CRAMP1: variants seen among roughly 807,000 people sequenced by gnomAD.
CRAMP1 encodes the protein cramped chromatin regulator 1, also known as protein cramped-like.
Under a neutral mutation model 115.4 loss-of-function variants are expected in CRAMP1, and 50 were observed. That is an observed-to-expected ratio of 0.43 (90% CI 0.35 to 0.55). CRAMP1 has a LOEUF of 0.55. Ranked by LOEUF, CRAMP1 falls within the 20% of genes least tolerant of loss-of-function variation. CRAMP1 has a pLI of 0.01. For synonymous variants in CRAMP1, 866 were observed against 745.4 expected (o/e 1.16, Z -2.64); for missense variants, 1,679 against 1,721.7 (o/e 0.98, Z 0.44).
At chr16:1,631,076 T>G (rs866062680) in intron 3 of CRAMP1, among the ~76,000 whole-genome samples, 5 of 152,354 alleles carry the variant, frequency 3.3e-5, no homozygotes, top group African/African-American at 1.2e-4. Flanking sequence ...CAGCCATCGC[T>G]GCCTTTTCCC....
intron 4 of CRAMP1, among the ~76,000 whole-genome samples, chr16:1,635,516 G>A (rs887957632): frequency 2.6e-5 from 4 of 152,188 alleles, no homozygotes; most frequent in Admixed American, 2.0e-4. Context: ...GGGGCCAGGC[G>A]GGGCATCAGG....
chr16:1,628,276 G>A (rs1317960004), intron 3 of CRAMP1, among the ~76,000 whole-genome samples: 3 of 152,200 alleles, frequency 2.0e-5, no homozygotes, highest in African/African-American at 4.8e-5. Flanking sequence ...GTTTTGAAAC[G>A]GAGTTTCGCT....
At chr16:1,632,184 T>C (rs1567450045) in intron 3 of CRAMP1, 28 bp from the exon 4 acceptor site, 1 of 1,549,802 alleles carries the variant, frequency 6.5e-7, no homozygotes. Flanking sequence ...TTAACCCCTC[T>C]ACATTTATCA....
chr16:1,630,565 T>C (rs912658634), intron 3 of CRAMP1, among the ~76,000 whole-genome samples: 1 of 152,230 alleles, frequency 6.6e-6, no homozygotes, highest in Non-Finnish European at 1.5e-5. Context: ...TGTGAGGGTA[T>C]GAGCACAGAC....
intron 3 of CRAMP1, among the ~76,000 whole-genome samples, chr16:1,626,739 G>A (rs908699372): frequency 1.3e-5 from 2 of 152,116 alleles, no homozygotes; most frequent in Non-Finnish European, 2.9e-5. Flanking sequence ...ATTATTGTGA[G>A]CATACTTTTT....
chr16:1,661,014 CA>C (rs34310084), intron 11 of CRAMP1, among the ~76,000 whole-genome samples: 1 of 148,594 alleles, frequency 6.7e-6, no homozygotes, highest in Non-Finnish European at 1.5e-5. Context: ...ATCTCAAAAA[CA>C]AAAAAAAACA....
chr16:1,673,095 G>A (rs1242476357), intron 20 of CRAMP1, among the ~76,000 whole-genome samples: 2 of 151,708 alleles, frequency 1.3e-5, no homozygotes, highest in African/African-American at 4.8e-5. Flanking sequence ...TTTCTCTGAC[G>A]GGAACGTGCC....
At position 1,617,744 on chromosome 16, in the gene CRAMP1, G is replaced by A. The variant is rs866342585; in HGVS notation, c.346+2759G>A. Among the ~76,000 whole-genome samples the A allele has an allele frequency of 1.3e-4, 20 of 152,282 alleles. No individual in the cohort carries two copies. In the South Asian group the frequency reaches 3.3e-3, roughly 25 times the overall value. On this transcript the variant is annotated intron_variant, in intron 2 of 20. Coordinates refer to ENST00000397412, the MANE Select transcript of CRAMP1 (RefSeq NM_020825.4). ...TTGTTTGGCTTTTCTGCATGCAAGTGTGTTTTCTTTCTCTGAAGAAGACAC... is the reference window on the plus strand; with the variant it reads ...TTGTTTGGCTTTTCTGCATGCAAGTATGTTTTCTTTCTCTGAAGAAGACAC...
intron 1 of CRAMP1, among the ~76,000 whole-genome samples, chr16:1,613,355 T>C (rs1052671335): frequency 3.3e-5 from 5 of 152,182 alleles, no homozygotes; most frequent in African/African-American, 7.2e-5. Context: ...ATTGCGACTT[T>C]GAAGCCATTT....
At chr16:1,619,681 G>T (rs1451189004) in intron 2 of CRAMP1, among the ~76,000 whole-genome samples, 1 of 152,210 alleles carries the variant, frequency 6.6e-6, no homozygotes, top group Non-Finnish European at 1.5e-5. Context: ...ATTTGTAGGA[G>T]GGGAAAGGGA....
intron 3 of CRAMP1, 78 bp from the exon 4 acceptor site, chr16:1,632,134 C>T: frequency 1.0e-5 from 15 of 1,438,584 alleles, no homozygotes; most frequent in Non-Finnish European, 1.2e-5. Context: ...TTTCTCGGAA[C>T]CTTGGAAAGG....
chr16:1,626,820 A>G (rs889060609), intron 3 of CRAMP1, among the ~76,000 whole-genome samples: 5 of 152,086 alleles, frequency 3.3e-5, no homozygotes, highest in South Asian at 2.1e-4. Flanking sequence ...TAACGCCTGT[A>G]AATATTCTCC....
At chr16:1,654,837 C>G (rs545787095) in intron 8 of CRAMP1, among the ~76,000 whole-genome samples, 1 of 152,240 alleles carries the variant, frequency 6.6e-6, no homozygotes, top group East Asian at 1.9e-4. Context: ...TCATTCCTTC[C>G]GCTCATGTAC....
At chr16:1,661,955 G>A (rs2036834363) in intron 11 of CRAMP1, among the ~76,000 whole-genome samples, 1 of 152,212 alleles carries the variant, frequency 6.6e-6, no homozygotes, top group Non-Finnish European at 1.5e-5. Flanking sequence ...ACACCAGGGA[G>A]CAGCAAGCTA....
At chr16:1,626,665 C>T (rs1238080853) in intron 3 of CRAMP1, among the ~76,000 whole-genome samples, 4 of 152,190 alleles carry the variant, frequency 2.6e-5, no homozygotes, top group African/African-American at 9.7e-5. Context: ...CCCCACCGCC[C>T]AGTGAATGCC....
At chr16:1,637,726 A>G in intron 4 of CRAMP1, 98 bp from the exon 5 acceptor site, 1 of 510,566 alleles carries the variant, frequency 2.0e-6, no homozygotes, top group Non-Finnish European at 3.5e-6. Context: ...CAGGGAGGAG[A>G]TCCAAGAAAC....
rs2036969373 is a variant in CRAMP1 at position 1,676,478 on chromosome 16, T to C, written c.*2433T>C. ...CTAAATGAATATTTATGTGCAAACA[T>C]AGGCAACTGTTAAAGGCTGGAATTT... is the stretch of plus-strand genomic sequence containing the variant. On this transcript the variant is annotated 3_prime_UTR_variant, in exon 21 of 21. Transcript: ENST00000397412. 6.6e-6 allele frequency: 1 copy of C among 152,230 alleles called. No homozygotes were observed. Among genetic ancestry groups the C allele is most frequent in the Non-Finnish European group, 1.5e-5 (1 of 68,048 alleles). 9.4% of individuals were successfully genotyped at this position (152,230 alleles called of 1,614,324 possible).
intron 2 of CRAMP1, among the ~76,000 whole-genome samples, chr16:1,622,735 A>G (rs113212170): frequency 0.051 from 7,597 of 148,566 alleles, 317 homozygotes; most frequent in East Asian, 0.2. Flanking sequence ...GGTGTGTGCC[A>G]CCACGCCCGG....
At chr16:1,657,951 C>T (rs2036790201) in intron 10 of CRAMP1, among the ~76,000 whole-genome samples, 1 of 152,214 alleles carries the variant, frequency 6.6e-6, no homozygotes, top group Non-Finnish European at 1.5e-5. Context: ...GTGTGTGAGG[C>T]TCACATGTCC....
Sources: allele counts gnomAD v4.1 joint callset (sites outside exome capture counted in the v4.1 genomes callset), GRCh38; gene constraint gnomAD v4.1.1; transcripts MANE v1.5; gene names NCBI Gene and HGNC (gene_info 2026-07-23, HGNC 2026-07-21).